The following COMP variants were observed in gnomAD, a reference collection of about 807,000 sequenced individuals.
COMP encodes cartilage oligomeric matrix protein (pseudoachondroplasia, epiphyseal dysplasia 1, multiple).
Under a neutral mutation model 95.8 loss-of-function variants are expected in COMP, and 79 were observed. The observed-to-expected ratio is 0.82, with a 90% confidence interval of 0.69 to 0.99. The LOEUF (loss-of-function observed/expected upper bound fraction) is 0.99, where lower values mean the gene tolerates loss of function less well. Among genes scored for constraint, COMP ranks in the 50% least tolerant of loss-of-function variants. COMP has a pLI of 0.00. For synonymous variants in COMP, 438 were observed against 433.9 expected, an observed-to-expected ratio of 1.01 and a Z score of -0.12; for missense variants, 906 against 1,076.1, an observed-to-expected ratio of 0.84 and a Z score of 2.21.
intron 17 of COMP, among the ~76,000 whole-genome samples, chr19:18,783,851 C>G (rs1254911878): frequency 6.6e-6 from 1 of 152,150 alleles, no homozygotes; most frequent in East Asian, 1.9e-4. Flanking sequence ...CTCAGGTGAT[C>G]CACCCGCCTC....
In COMP at chr19:18,786,070, C is replaced by G; in HGVS notation, c.1384G>C (p.Asp462His). The G allele has an allele frequency of 6.2e-7, 1 of 1,614,038 alleles. No homozygotes were observed. Among genetic ancestry groups the G allele is most frequent in the Non-Finnish European group, 8.5e-7 (1 of 1,180,026 alleles). Reference protein sequence around the residue: ...PNSAQEDSDHDGQGDACDDDD... With the variant: ...PNSAQEDSDHHGQGDACDDDD... ...TCGTCGCAGGCATCACCCTGGCCAT[C>G]GTGGTCTGAGTCCTCCTGGGCACTG... Residue 462 changes from aspartate to histidine, a missense_variant, in exon 13 of 19, where the codon GAT becomes CAT. Asp to His is a moderately conservative substitution (Grantham distance 81, BLOSUM62 -1). Transcript: ENST00000222271.
chr19:18,785,380 C>G, intron 15 of COMP, 118 bp downstream of exon 15: 1 of 1,408,468 alleles, frequency 7.1e-7, no homozygotes, highest in Non-Finnish European at 9.9e-7. Context: ...CCCGCCCTTC[C>G]TGAGCCCGGG....
chr19:18,788,512 A>G lies in COMP; in HGVS notation c.765T>C (p.Cys255=). The G allele has an allele frequency of 6.2e-7, 1 of 1,600,998 alleles. No homozygotes were observed. The highest frequency in any genetic ancestry group is 8.5e-7 in the Non-Finnish European group (1 of 1,174,500). Residue 255 remains cysteine (C), a splice_region_variant and synonymous_variant, in exon 8 of 19, where the codon TGT becomes TGC. Transcript: ENST00000222271. The surrounding 1 kb of genome is among the most constrained non-coding windows in gnomAD (Gnocchi z 4.7). ...TCCCGTTGCCGGCCCAGCCAACGGC[A>G]CACTGTGGGAGAGTGTAAGTGGGTG... The part of the protein sequence containing the change: ...LERDGSRSCV[C]AVGWAGNGIL...
At position 18,785,895 on chromosome 19, in the gene COMP, C is replaced by A. The variant is rs201977029; in HGVS notation, c.1490-44G>T. 22 of 1,606,350 alleles carry A rather than the reference C, an allele frequency of 1.4e-5. No individual in the cohort carries two copies. The African/African-American group carries it at 1.9e-4, about 14-fold the overall frequency. On this transcript the variant is annotated intron_variant, in intron 13 of 18. Transcript: ENST00000222271. ...CTCGGTGGGCTAAAGTCAGGGCCCGCCCACCGTAGACCCCGCGCCAGGAGC... is the reference window on the plus strand; with the variant it reads ...CTCGGTGGGCTAAAGTCAGGGCCCGACCACCGTAGACCCCGCGCCAGGAGC...
In COMP at chr19:18,791,196, G is replaced by A; in HGVS notation, c.74C>T (p.Pro25Leu). ...CGGGTGCTAACGCGGCTTACCCAAC[G>A]GGCTCTGGCCCTGTCCGGACGCGCC... ...ALGASGQGQS[P>L]LGSDLGPQML... Residue 25 changes from proline (P) to leucine (L), a missense_variant, in exon 1 of 19, where the codon CCG becomes CTG. Pro to Leu is a moderately conservative substitution (Grantham distance 98). Transcript: ENST00000222271. The A allele has an allele frequency of 1.3e-6, 2 of 1,585,402 alleles. No homozygotes were observed. The highest frequency in any genetic ancestry group is 1.7e-6 in the Non-Finnish European group (2 of 1,167,468).
rs1311047873 is a variant in COMP at position 18,788,951 on chromosome 19, G to T, written c.529-38C>A. The T allele has an allele frequency of 6.2e-7, 1 of 1,603,164 alleles. No individual in the cohort carries two copies. The highest frequency in any genetic ancestry group is 1.7e-5 in the Admixed American group (1 of 59,360). On this transcript the variant is annotated intron_variant, in intron 5 of 18. Coordinates refer to ENST00000222271, the MANE Select transcript of COMP (RefSeq NM_000095.3). The surrounding 1 kb of genome is among the most constrained non-coding windows in gnomAD (Gnocchi z 4.7). Reference sequence around the variant, plus strand: ...AACTCAGAGGTCACCACCCCACGCAGACACCTCCGGACCTCCCACCTCCTC... The same window carrying T: ...AACTCAGAGGTCACCACCCCACGCATACACCTCCGGACCTCCCACCTCCTC...
rs536435086 is a variant in COMP at position 18,791,021 on chromosome 19, C to T, written c.80-86G>A. ...CACCGTTGCAGCGAACCCGGACCTC[C>T]GAGGCCCCACTGCGCTCCTCTAGTC... On this transcript the variant is annotated intron_variant, in intron 1 of 18. Coordinates refer to ENST00000222271, the MANE Select transcript of COMP (RefSeq NM_000095.3). 18 of 1,528,314 alleles carry T rather than the reference C, an allele frequency of 1.2e-5. No individual in the cohort carries two copies. In the South Asian group the frequency reaches 1.7e-4, roughly 14 times the overall value. The allele number at this position is 1,528,314 out of a possible 1,614,324, so 94.7% of individuals were successfully genotyped here. A position where few individuals can be genotyped will look rare whatever the true frequency, so the allele number is the denominator to read the frequency against.
intron 15 of COMP, 127 bp from the exon 16 acceptor site, chr19:18,785,219 A>C (rs1011182500): frequency 2.0e-6 from 2 of 1,013,786 alleles, no homozygotes; most frequent in Non-Finnish European, 3.0e-6. Flanking sequence ...TCCCACTCGC[A>C]GAGCCCGGAC....
chr19:18,785,900 C>A, intron 13 of COMP, 49 bp from the exon 14 acceptor site: 1 of 1,605,586 alleles, frequency 6.2e-7, no homozygotes, highest in South Asian at 1.1e-5. Flanking sequence ...GCCCGCCCAC[C>A]GTAGACCCCG....
rs752960891 is a variant in COMP, at chr19:18,788,640, G to C, written c.714C>G (p.His238Gln). Residue 238 changes from histidine to glutamine, a missense_variant, in exon 7 of 19, where the codon CAC (histidine) becomes CAG (glutamine). Transcript: ENST00000222271. The surrounding 1 kb of genome is among the most constrained non-coding windows in gnomAD (Gnocchi z 4.7). ...GCTCTAGGACGCAGTCTGCATGCTC[G>C]TGGCACTCGCTGGGCGAGCCGTCGG... ...FCPDGSPSEC[H>Q]EHADCVLERD... 5.2e-6 allele frequency: 8 copies of C among 1,547,294 alleles called. No homozygotes were observed. The South Asian group carries it at 8.3e-5, about 16-fold the overall frequency.
At position 18,784,073 on chromosome 19, in the gene COMP, A is replaced by G; in HGVS notation, c.2087+118T>C. The stretch of plus-strand genomic sequence containing the variant: ...CATAGGCTCATTCTAACTGCCCTGT[A>G]TCTTTCCTATCGTACAGATGAGGGG... On this transcript the variant is annotated intron_variant, in intron 17 of 18. Coordinates refer to ENST00000222271, the MANE Select transcript of COMP (RefSeq NM_000095.3). This position sits in a 1 kb window ranked among gnomAD's most constrained non-coding sequence, Gnocchi z 4.9. The G allele has an allele frequency of 8.5e-7, 1 of 1,170,944 alleles. No individual in the cohort carries two copies. Among genetic ancestry groups the G allele is most frequent in the Non-Finnish European group, 1.3e-6 (1 of 788,706 alleles). 72.5% of individuals were successfully genotyped at this position (1,170,944 alleles called of 1,614,324 possible).
chr19:18,787,862 TTC>T (rs1324805330), intron 9 of COMP, among the ~76,000 whole-genome samples: 10 of 32,864 alleles, frequency 3.0e-4, no homozygotes, highest in Non-Finnish European at 4.1e-4. Context: ...CTTTTTCTTT[TTC>T]TCTTTCTTTC....
chr19:18,786,901 T>A (rs1286396147), intron 10 of COMP: 1 of 421,148 alleles, frequency 2.4e-6, no homozygotes, highest in Non-Finnish European at 4.3e-6. Context: ...GCCTCCCGAG[T>A]AGCTGGGATT....
chr19:18,786,846 C>A (rs1360706609), intron 10 of COMP, 196 bp from the exon 11 acceptor site: 1 of 493,758 alleles, frequency 2.0e-6, no homozygotes, highest in East Asian at 3.9e-5. Context: ...GATCTCGGCT[C>A]ACTGCAACTT....
In COMP at chr19:18,787,764, C is replaced by T; in HGVS notation, c.976-114G>A. 3.5e-6 allele frequency: 5 copies of T among 1,447,282 alleles called. No individual in the cohort carries two copies. The South Asian group carries it at 4.7e-5, about 13-fold the overall frequency. 89.7% of individuals were successfully genotyped at this position (1,447,282 alleles called of 1,614,324 possible). A position where few individuals can be genotyped will look rare whatever the true frequency, so the allele number is the denominator to read the frequency against. Reference sequence around the variant, plus strand: ...CCTCCTCAAGGAACCTTTCGCCCCTCCTAGACCACGGAGGCCACGCCCCTC... The same window carrying T: ...CCTCCTCAAGGAACCTTTCGCCCCTTCTAGACCACGGAGGCCACGCCCCTC... On this transcript the variant is annotated intron_variant, in intron 9 of 18. Coordinates refer to ENST00000222271, the MANE Select transcript of COMP (RefSeq NM_000095.3).
In COMP at chr19:18,789,901, G is replaced by T. The variant is rs375605861; in HGVS notation, c.390+41C>A. 16 of 1,591,230 alleles carry T rather than the reference G, an allele frequency of 1.0e-5. No individual in the cohort carries two copies. In the African/African-American group the frequency reaches 1.9e-4, roughly 19 times the overall value. ...GGCGGCGAGAGATTGGGGGGCGGTA[G>T]AGGGAGTCGTCAGGGCGGTGGAGTG... On this transcript the variant is annotated intron_variant, in intron 4 of 18. Transcript: ENST00000222271. This position sits in a 1 kb window ranked among gnomAD's most constrained non-coding sequence, Gnocchi z 6.1.
In COMP at chr19:18,788,915, T is replaced by A. The variant is rs1010796800; in HGVS notation, c.529-2A>T. 3.4e-5 allele frequency: 55 copies of A among 1,613,308 alleles called. No homozygotes were observed. The highest frequency in any genetic ancestry group is 4.5e-5 in the Non-Finnish European group (53 of 1,179,824). On this transcript the variant is annotated splice_acceptor_variant, in intron 5 of 18. Coordinates refer to ENST00000222271, the MANE Select transcript of COMP (RefSeq NM_000095.3). LOFTEE classifies it high-confidence loss of function. This position sits in a 1 kb window ranked among gnomAD's most constrained non-coding sequence, Gnocchi z 4.7. ...ACACTCGTTGATGTCCGTGCAAACCTAGGGGAGGGGAACTCAGAGGTCACC... is the reference window on the plus strand; with the variant it reads ...ACACTCGTTGATGTCCGTGCAAACCAAGGGGAGGGGAACTCAGAGGTCACC...
intron 9 of COMP, among the ~76,000 whole-genome samples, chr19:18,787,864 C>CTTTCTT (rs56093208): frequency 5.5e-5 from 6 of 108,832 alleles, no homozygotes; most frequent in Non-Finnish European, 9.2e-5. Context: ...TTTTCTTTTT[C>CTTTCTT]TCTTTCTTTC....
Position 18,786,645 on chromosome 19 carries a change from G to C in COMP, c.1141C>G (p.Arg381Gly). 1.2e-6 allele frequency: 2 copies of C among 1,613,606 alleles called. No homozygotes were observed. The highest frequency in any genetic ancestry group is 1.1e-5 in the South Asian group (1 of 91,054). Residue 381 changes from arginine to glycine, a missense_variant, in exon 11 of 19, where the codon CGC (arginine) becomes GGC (glycine). Physicochemically the swap from Arg to Gly is moderately radical, Grantham distance 125. Transcript: ENST00000222271. ...CTAGGGCAGTTGTCGGCCTGGTTGCGGATCCCTGCAGAAATCCACGGGACC... is the reference window on the plus strand; with the variant it reads ...CTAGGGCAGTTGTCGGCCTGGTTGCCGATCCCTGCAGAAATCCACGGGACC... ...CDDDIDGDRI[R>G]NQADNCPRVP... is the part of the protein sequence containing the mutation.
Sources: gnomAD v4.1 joint callset for allele counts (sites outside exome capture counted in the v4.1 genomes callset) on GRCh38, gnomAD v4.1.1 for gene constraint, Gnocchi (gnomAD v3.1) non-coding constraint, MANE v1.5 for transcripts, NCBI Gene and HGNC (gene_info 2026-07-23, HGNC 2026-07-21) for gene names.